The following GNG7 variants were observed in gnomAD, a reference collection of about 807,000 sequenced individuals.
GNG7 encodes G protein subunit gamma 7.
A neutral mutation model predicts 4.0 loss-of-function variants in GNG7; 1 was observed. The observed-to-expected ratio is 0.25, with a 90% CI of 0.09 to 1.18. The LOEUF is 1.18. Among genes scored for constraint, GNG7 ranks in the 50% most tolerant of loss-of-function variants. The probability of loss-of-function intolerance (pLI) is 0.50; values close to 1 mark genes in which losing one functional copy is unlikely to be tolerated. For synonymous variants in GNG7, 34 were observed against 36.9 expected (o/e 0.92, Z 0.29); for missense variants, 86 against 91.9 (o/e 0.94, Z 0.26).
chr19:2,552,078 C>T (rs977286782), intron 3 of GNG7, among the ~76,000 whole-genome samples: 8 of 152,128 alleles, frequency 5.3e-5, no homozygotes, highest in African/African-American at 7.2e-5. Context: ...CTCATAGAAG[C>T]GTGAACCCAA....
chr19:2,684,566 GAC>G (rs1983825342), intron 1 of GNG7, among the ~76,000 whole-genome samples: 2 of 152,204 alleles, frequency 1.3e-5, no homozygotes, highest in Non-Finnish European at 2.9e-5. Flanking sequence ...AGGCAATCCT[GAC>G]ACAGGCCACG....
intron 2 of GNG7, among the ~76,000 whole-genome samples, chr19:2,594,080 G>T (rs1328321502): frequency 6.6e-6 from 1 of 152,000 alleles, no homozygotes; most frequent in African/African-American, 2.4e-5. Context: ...TACAGAAACT[G>T]CAAATCAAGG....
intron 2 of GNG7, among the ~76,000 whole-genome samples, chr19:2,591,801 A>G (rs1431723872): frequency 1.3e-5 from 2 of 152,250 alleles, no homozygotes; most frequent in Non-Finnish European, 2.9e-5. Context: ...TACTTAGTGC[A>G]AAGATACTAA....
intron 1 of GNG7, among the ~76,000 whole-genome samples, chr19:2,685,837 C>T (rs564202955): frequency 1.1e-4 from 17 of 152,100 alleles, no homozygotes; most frequent in Non-Finnish European, 2.4e-4. Context: ...GACACCCTGC[C>T]GTTGTTTGCC....
intron 2 of GNG7, among the ~76,000 whole-genome samples, chr19:2,619,107 A>T (rs1981798936): frequency 6.6e-6 from 1 of 152,232 alleles, no homozygotes; most frequent in South Asian, 2.1e-4. Flanking sequence ...TATTTGATTG[A>T]CATTTTCTCA....
At chr19:2,639,276 A>C (rs1460791209) in intron 2 of GNG7, among the ~76,000 whole-genome samples, 1 of 152,164 alleles carries the variant, frequency 6.6e-6, no homozygotes, top group Non-Finnish European at 1.5e-5. Context: ...CCGTAAGCAA[A>C]GTCAAAAGAC....
At chr19:2,674,421 T>C (rs558070431) in intron 1 of GNG7, among the ~76,000 whole-genome samples, 12 of 139,734 alleles carry the variant, frequency 8.6e-5, no homozygotes, top group Middle Eastern at 3.6e-3. Flanking sequence ...GTGACTGGTG[T>C]TTTTGTTTTT....
chr19:2,552,894 C>T (rs992374194), intron 3 of GNG7, among the ~76,000 whole-genome samples: 1 of 148,022 alleles, frequency 6.8e-6, no homozygotes, highest in African/African-American at 2.5e-5. Context: ...CTGTCTTCCA[C>T]GAATCCACTC....
At position 2,673,284 on chromosome 19, in the gene GNG7, A is replaced by AC; in HGVS notation, c.-134-27005_-134-27004insG. On this transcript the variant is annotated intron_variant, in intron 1 of 4. Coordinates refer to ENST00000382159, the MANE Select transcript of GNG7 (RefSeq NM_052847.3). ...AAAAAAAAACAAAACAAAACAAAAC[A>AC]AAACAAAAAAAAACCCAGCAGGTCA... 2.0e-5 allele frequency among the ~76,000 whole-genome samples: 3 copies of AC among 149,000 alleles called. No homozygotes were observed. In the East Asian group the frequency reaches 6.2e-4, roughly 31 times the overall value.
At chr19:2,581,598 G>A (rs1457564996) in intron 2 of GNG7, among the ~76,000 whole-genome samples, 1 of 152,144 alleles carries the variant, frequency 6.6e-6, no homozygotes, top group African/African-American at 2.4e-5. Flanking sequence ...GCCCACTTCT[G>A]CACGTGTTTT....
In GNG7 at chr19:2,697,323, G is replaced by A. The variant is rs116206114; in HGVS notation, c.-135+5323C>T. On this transcript the variant is annotated intron_variant, in intron 1 of 4. Transcript: ENST00000382159. ...CTCGGAGCTGCCCACGAACCCCACC[G>A]CCCATCCGTGTCAGGAGCCGATGTG... 8.5e-3 allele frequency among the ~76,000 whole-genome samples: 1,289 copies of A among 152,222 alleles called. 16 individuals carry two copies. The highest frequency in any genetic ancestry group is 0.029 in the African/African-American group (1,221 of 41,532).
At chr19:2,593,930 A>AAAAC (rs1050200956) in intron 2 of GNG7, among the ~76,000 whole-genome samples, 60 of 149,978 alleles carry the variant, frequency 4.0e-4, no homozygotes, top group African/African-American at 1.4e-3. Flanking sequence ...TTTGATGCCA[A>AAAAC]AAAAAAAAAA....
intron 1 of GNG7, among the ~76,000 whole-genome samples, chr19:2,686,525 G>C (rs1461492400): frequency 6.6e-6 from 1 of 152,118 alleles, no homozygotes; most frequent in Non-Finnish European, 1.5e-5. Context: ...CCCGGTGCCT[G>C]CTTGCTTCAG....
At chr19:2,563,510 AT>A (rs1349880182) in intron 2 of GNG7, among the ~76,000 whole-genome samples, 2 of 150,412 alleles carry the variant, frequency 1.3e-5, no homozygotes, top group Admixed American at 1.3e-4. Flanking sequence ...GATAGGTTTC[AT>A]TTCTGTCGCC....
At chr19:2,635,881 C>T (rs554267005) in intron 2 of GNG7, among the ~76,000 whole-genome samples, 3 of 151,882 alleles carry the variant, frequency 2.0e-5, no homozygotes, top group South Asian at 4.2e-4. Context: ...CCGTGCCTGG[C>T]CAACTTGGGG....
At chr19:2,555,913 G>A (rs1979528284) in intron 2 of GNG7, among the ~76,000 whole-genome samples, 1 of 151,956 alleles carries the variant, frequency 6.6e-6, no homozygotes, top group Admixed American at 6.5e-5. Context: ...TCGCGAGGGG[G>A]GGCCCACGGC....
rs117216285 is a variant in GNG7 at position 2,533,908 on chromosome 19, C to T, written c.-37-13183G>A. 7.2e-4 allele frequency among the ~76,000 whole-genome samples: 110 copies of T among 152,316 alleles called. No homozygotes were observed. The East Asian group carries it at 0.013, about 18-fold the overall frequency. The stretch of plus-strand genomic sequence containing the variant: ...CTGCAAAAGCCTTAGAACAAACACA[C>T]ATGAATCATATCAGCCTTCAGCTCA... On this transcript the variant is annotated intron_variant, in intron 3 of 4. Transcript: ENST00000382159.
intron 1 of GNG7, among the ~76,000 whole-genome samples, chr19:2,689,285 C>T (rs377688708): frequency 2.0e-5 from 3 of 151,216 alleles, no homozygotes; most frequent in South Asian, 2.1e-4. Context: ...AAATTGTTCC[C>T]AAATCATTAA....
At chr19:2,529,215 G>T (rs551369101) in intron 3 of GNG7, among the ~76,000 whole-genome samples, 207 of 146,728 alleles carry the variant, frequency 1.4e-3, no homozygotes, top group Non-Finnish European at 2.3e-3. Context: ...GGGTTTTTTT[G>T]TTTGTTTGTT....
Sources: allele counts gnomAD v4.1 joint callset (sites outside exome capture counted in the v4.1 genomes callset), GRCh38; gene constraint gnomAD v4.1.1; transcripts MANE v1.5; gene names NCBI Gene and HGNC (gene_info 2026-07-23, HGNC 2026-07-21).